Variants in MUC5AC observed in about 807,000 individuals in gnomAD.
MUC5AC encodes the protein mucin-5AC.
Under a neutral mutation model 169.7 loss-of-function variants are expected in MUC5AC, and 158 were observed. That is an observed-to-expected ratio of 0.93 (90% CI 0.82 to 1.06). The LOEUF is 1.06. MUC5AC is among the 50% of genes least tolerant of loss of function. The pLI is 0.00. For synonymous variants in MUC5AC, 1,975 were observed against 1,237.0 expected (o/e 1.60, Z -12.52); for missense variants, 4,359 against 3,089.9 (o/e 1.41, Z -9.74).
At chr11:1,172,070 C>G (rs933206826) in intron 15 of MUC5AC, among the ~76,000 whole-genome samples, 4 of 152,258 alleles carry the variant, frequency 2.6e-5, no homozygotes, top group African/African-American at 9.6e-5. Context: ...TTCCTGCAGC[C>G]TGGGAAGCCA....
intron 37 of MUC5AC, 90 bp from the exon 38 acceptor site, chr11:1,196,298 G>A: frequency 2.7e-6 from 2 of 729,018 alleles, no homozygotes; most frequent in South Asian, 1.5e-5. Flanking sequence ...GCTGCGGGCA[G>A]CTCCGGAGCA....
chr11:1,178,555 C>T lies in MUC5AC; in HGVS notation c.3199C>T (p.Leu1067Phe). ...DVLEFGNSWK[L>F]SPSCPDALAP... ...GCTGGAGTTTGGGAACAGCTGGAAG[C>T]TCTCCCCCTCCTGCCCAGATGCCCT... Residue 1067 changes from leucine (L) to phenylalanine (F), a missense_variant, in exon 25 of 49, where the codon CTC (leucine) becomes TTC (phenylalanine). Transcript: ENST00000621226. The T allele has an allele frequency of 7.3e-7, 1 of 1,378,784 alleles. No individual in the cohort carries two copies. The highest frequency in any genetic ancestry group is 1.8e-5 in the South Asian group (1 of 56,628). 85.4% of individuals were successfully genotyped at this position (1,378,784 alleles called of 1,614,324 possible). A position where few individuals can be genotyped will look rare whatever the true frequency, so the allele number is the denominator to read the frequency against.
Position 1,183,895 on chromosome 11 carries a change from C to T in MUC5AC, c.5750C>T (p.Pro1917Leu), listed in dbSNP as rs1318457573. 5.0e-6 allele frequency: 2 copies of T among 402,622 alleles called. No individual in the cohort carries two copies. 24.9% of individuals were successfully genotyped at this position (402,622 alleles called of 1,614,324 possible). ...KKTFSTPSPP[P>L]VPATSTSSMS... The stretch of plus-strand genomic sequence containing the variant: ...ACTTTCTCAACTCCCAGCCCTCCGC[C>T]AGTGCCGGCAACATCAACATCATCC... The change falls in exon 31 of 49, where the codon CCA (proline) becomes CTA (leucine). Residue 1917 changes from proline (P) to leucine (L), a missense_variant. Coordinates refer to ENST00000621226, the MANE Select transcript of MUC5AC (RefSeq NM_001304359.2).
At position 1,186,420 on chromosome 11, in the gene MUC5AC, G is replaced by A; in HGVS notation, c.8275G>A (p.Ala2759Thr). ...TSAPTTSTIS[A>T]STTSTTSATT... The stretch of plus-strand genomic sequence containing the variant: ...AGCCCCTACAACCAGCACAATCTCT[G>A]CCTCTACCACCAGCACAACCTCTGC... Residue 2759 changes from alanine (A) to threonine (T), a missense_variant, in exon 31 of 49, where the codon GCC becomes ACC. Ala to Thr is a moderately conservative substitution (Grantham distance 58, BLOSUM62 0). Coordinates refer to ENST00000621226, the MANE Select transcript of MUC5AC (RefSeq NM_001304359.2). 1.4e-6 allele frequency: 1 copy of A among 703,318 alleles called. No homozygotes were observed. The highest frequency in any genetic ancestry group is 1.5e-5 in the South Asian group (1 of 67,624). The allele number at this position is 703,318 out of a possible 1,614,324, so 43.6% of individuals were successfully genotyped here.
At chr11:1,168,066 C>G in intron 12 of MUC5AC, 79 bp downstream of exon 12, 1 of 1,266,184 alleles carries the variant, frequency 7.9e-7, no homozygotes, top group Non-Finnish European at 1.1e-6. Context: ...TGCCCAAGCC[C>G]TTCATCCCTG....
Position 1,179,106 on chromosome 11 carries a change from G to A in MUC5AC, c.3342G>A (p.Arg1114=), listed in dbSNP as rs980459169. The change falls in exon 26 of 49, where the codon AGG becomes AGA. Residue 1114 remains arginine, a synonymous_variant. Transcript: ENST00000621226. ...GTCTCCCTCAGGTGGAGCCGGCCAG[G>A]TACTACGAGGCCTGCGTGAACGACG... ...AACHAHVEPA[R]YYEACVNDAC... 6.8e-6 allele frequency: 4 copies of A among 588,870 alleles called. No individual in the cohort carries two copies. The highest frequency in any genetic ancestry group is 2.8e-5 in the East Asian group (1 of 35,128). 36.5% of individuals were successfully genotyped at this position (588,870 alleles called of 1,614,324 possible). A position where few individuals can be genotyped will look rare whatever the true frequency, so the allele number is the denominator to read the frequency against.
chr11:1,185,497 C>G lies in MUC5AC; in HGVS notation c.7352C>G (p.Thr2451Ser). 1.4e-6 allele frequency: 1 copy of G among 726,364 alleles called. No homozygotes were observed. The highest frequency in any genetic ancestry group is 1.4e-5 in the South Asian group (1 of 69,674). The allele number at this position is 726,364 out of a possible 1,614,324, so 45.0% of individuals were successfully genotyped here. Residue 2451 changes from threonine to serine, a missense_variant, in exon 31 of 49, where the codon ACC becomes AGC. By Grantham distance (58) the Thr-to-Ser change is moderately conservative. Transcript: ENST00000621226. The stretch of plus-strand genomic sequence containing the variant: ...AGCACAACTTCTGGTCCTGGAACTA[C>G]CCCAAGCCCTGTTCCCACGACCAGC... ...TTSTTSGPGT[T>S]PSPVPTTSTT... is the part of the protein sequence containing the mutation.
chr11:1,158,537 T>A (rs914628440), intron 1 of MUC5AC, among the ~76,000 whole-genome samples: 1 of 152,132 alleles, frequency 6.6e-6, no homozygotes, highest in African/African-American at 2.4e-5. Flanking sequence ...GGGGGAGGTC[T>A]CAGCCTCTGA....
chr11:1,188,408 C>T lies in MUC5AC; in HGVS notation c.10263C>T (p.Ser3421=). The T allele has an allele frequency of 3.2e-6, 2 of 631,330 alleles. No individual in the cohort carries two copies. The allele number at this position is 631,330 out of a possible 1,614,324, so 39.1% of individuals were successfully genotyped here. ...TSSTTSAPTS[S]TISARTTSII... is the part of the protein sequence containing the mutation. ...GCACAACCTCGGCTCCTACAAGCAG[C>T]ACAATCTCTGCTCGTACAACCAGCA... The change falls in exon 31 of 49, where the codon AGC becomes AGT. Residue 3421 remains serine, a synonymous_variant. Transcript: ENST00000621226.
chr11:1,163,062 C>A lies in MUC5AC; in HGVS notation c.679+17C>A. 1 of 1,607,050 alleles carries A rather than the reference C, an allele frequency of 6.2e-7. No homozygotes were observed. The highest frequency in any genetic ancestry group is 2.2e-5 in the East Asian group (1 of 44,864). On this transcript the variant is annotated intron_variant, in intron 6 of 48. Coordinates refer to ENST00000621226, the MANE Select transcript of MUC5AC (RefSeq NM_001304359.2). ...TCTCCCACAGTAAGGCCCCACATCGCCCTCAGCCCCTTCCTCAGTGTCCCC... is the reference window on the plus strand; with the variant it reads ...TCTCCCACAGTAAGGCCCCACATCGACCTCAGCCCCTTCCTCAGTGTCCCC...
Position 1,175,220 on chromosome 11 carries a change from C to T in MUC5AC, c.2351C>T (p.Thr784Ile). Residue 784 changes from threonine to isoleucine, a missense_variant and splice_region_variant, in exon 19 of 49, where the codon ACC (threonine) becomes ATC (isoleucine). Physicochemically the swap from Thr to Ile is moderately conservative, Grantham distance 89 (BLOSUM62 -1). Coordinates refer to ENST00000621226, the MANE Select transcript of MUC5AC (RefSeq NM_001304359.2). ...ESVHDSGAIC[T>I]CTHGKLSCIG... ...CTCTGACCACCATCTCCTCACAGCA[C>T]CTGCACACATGGGAAGCTGAGCTGC... 2.5e-6 allele frequency: 1 copy of T among 398,766 alleles called. No homozygotes were observed. The highest frequency in any genetic ancestry group is 4.4e-6 in the Non-Finnish European group (1 of 226,150). The allele number at this position is 398,766 out of a possible 1,614,324, so 24.7% of individuals were successfully genotyped here. A position where few individuals can be genotyped will look rare whatever the true frequency, so the allele number is the denominator to read the frequency against.
rs1365802449 is a variant in MUC5AC, at chr11:1,190,264, T to C, written c.12119T>C (p.Met4040Thr). Residue 4040 changes from methionine to threonine, a missense_variant, in exon 31 of 49, where the codon ATG becomes ACG. Physicochemically the swap from Met to Thr is moderately conservative, Grantham distance 81. Transcript: ENST00000621226. ...CAGGACCAGCAGGGACCCTTCAAGA[T>C]GTGCCTCAACTACGAGGTGCGTGTG... ...RNQDQQGPFKMCLNYEVRVLC... is the reference protein window; with the variant it reads ...RNQDQQGPFKTCLNYEVRVLC... 1.4e-6 allele frequency: 1 copy of C among 723,330 alleles called. No individual in the cohort carries two copies. Among genetic ancestry groups the C allele is most frequent in the Admixed American group, 1.9e-5 (1 of 53,736 alleles). 44.8% of individuals were successfully genotyped at this position (723,330 alleles called of 1,614,324 possible).
rs1164321292 is a variant in MUC5AC at position 1,200,652 on chromosome 11, G to A, written c.16915G>A (p.Ala5639Thr). The part of the protein sequence containing the change: ...EEAEPEPSQE[A>T]ESGSWERGVP... ...GGCGGAACCCGAGCCCAGCCAGGAG[G>A]CAGAGAGTGGGAGCTGGGAGAGAGG... The change falls in exon 49 of 49, where the codon GCA becomes ACA. Residue 5639 changes from alanine (A) to threonine (T), a missense_variant. Coordinates refer to ENST00000621226, the MANE Select transcript of MUC5AC (RefSeq NM_001304359.2). 2.6e-6 allele frequency: 2 copies of A among 763,462 alleles called. No homozygotes were observed. Among genetic ancestry groups the A allele is most frequent in the Non-Finnish European group, 4.8e-6 (2 of 416,772 alleles). The allele number at this position is 763,462 out of a possible 1,614,324, so 47.3% of individuals were successfully genotyped here. A position where few individuals can be genotyped will look rare whatever the true frequency, so the allele number is the denominator to read the frequency against.
intron 15 of MUC5AC, among the ~76,000 whole-genome samples, chr11:1,169,517 TCACTCACC>T (rs1458080207): frequency 0.014 from 1,408 of 98,648 alleles, 77 homozygotes; most frequent in Non-Finnish European, 0.023. Flanking sequence ...ACCCATTCAC[TCACTCACC>T]CACTCACCCA....
intron 40 of MUC5AC, among the ~76,000 whole-genome samples, chr11:1,197,210 C>G (rs1461250686): frequency 1.3e-5 from 2 of 152,172 alleles, no homozygotes; most frequent in African/African-American, 4.8e-5. Context: ...TTGGGACGCC[C>G]CTTCTGCCCA....
intron 10 of MUC5AC, 62 bp downstream of exon 10, chr11:1,165,481 T>C (rs1374389839): frequency 6.3e-7 from 1 of 1,589,338 alleles, no homozygotes; most frequent in Non-Finnish European, 8.6e-7. Context: ...TGCTGGGGGT[T>C]GCAACCCAGG....
intron 37 of MUC5AC, 137 bp from the exon 38 acceptor site, chr11:1,196,251 G>T: frequency 1.5e-6 from 1 of 666,512 alleles, no homozygotes; most frequent in Non-Finnish European, 2.7e-6. Context: ...GGGCACTGGG[G>T]TGTGGGAGGC....
chr11:1,160,556 C>A (rs1564904912), intron 1 of MUC5AC, 56 bp from the exon 2 acceptor site: 1 of 1,483,298 alleles, frequency 6.7e-7, no homozygotes, highest in Non-Finnish European at 9.2e-7. Flanking sequence ...GTGGCCGCAG[C>A]CTGAGCCCCC....
Position 1,191,231 on chromosome 11 carries a change from C to T in MUC5AC, c.13086C>T (p.Thr4362=), listed in dbSNP as rs1486008807. Residue 4362 remains threonine (T), a synonymous_variant, in exon 31 of 49, where the codon ACC becomes ACT. Coordinates refer to ENST00000621226, the MANE Select transcript of MUC5AC (RefSeq NM_001304359.2). ...STTSAPTTST[T]SASTASTTSG... The stretch of plus-strand genomic sequence containing the variant: ...CCTCTGCTCCTACAACCAGCACAAC[C>T]TCTGCCTCTACAGCCAGCACAACCT... 5 of 733,862 alleles carry T rather than the reference C, an allele frequency of 6.8e-6. No individual in the cohort carries two copies. Among genetic ancestry groups the T allele is most frequent in the Non-Finnish European group, 1.2e-5 (5 of 400,186 alleles). The allele number at this position is 733,862 out of a possible 1,614,324, so 45.5% of individuals were successfully genotyped here.
Sources: gnomAD v4.1 joint callset for allele counts (sites outside exome capture counted in the v4.1 genomes callset) on GRCh38, gnomAD v4.1.1 for gene constraint, MANE v1.5 for transcripts, NCBI Gene and HGNC (gene_info 2026-07-23, HGNC 2026-07-21) for gene names.